Variants in ESRRG observed in about 807,000 individuals in gnomAD.
The protein encoded by ESRRG is estrogen-related receptor gamma.
ESRRG carries 13 observed loss-of-function variants against 44.0 expected under a neutral mutation model. That is an observed-to-expected ratio of 0.30 (90% CI 0.19 to 0.47). The LOEUF (loss-of-function observed/expected upper bound fraction) is 0.47. ESRRG is among the 20% of genes least tolerant of loss of function. The probability of loss-of-function intolerance (pLI) is 1.00; values close to 1 mark genes in which losing one functional copy is unlikely to be tolerated. For synonymous variants in ESRRG, 215 were observed against 214.6 expected, an observed-to-expected ratio of 1.00 and a Z score of -0.02; for missense variants, 395 against 580.6, an observed-to-expected ratio of 0.68 and a Z score of 3.29.
chr1:217,136,663 AAC>A (rs1349399191), intron 1 of ESRRG, among the ~76,000 whole-genome samples: 1 of 152,096 alleles, frequency 6.6e-6, no homozygotes, highest in Non-Finnish European at 1.5e-5. Context: ...TCCTGAACAC[AAC>A]TTACTGCCCG....
At chr1:216,561,399 A>T (rs1375451600) in intron 5 of ESRRG, among the ~76,000 whole-genome samples, 1 of 152,186 alleles carries the variant, frequency 6.6e-6, no homozygotes, top group Non-Finnish European at 1.5e-5. Context: ...TACAAAAACA[A>T]AGAGTTTTAA....
intron 1 of ESRRG, among the ~76,000 whole-genome samples, chr1:217,075,596 C>CCA (rs996245535): frequency 1.4e-5 from 2 of 146,620 alleles, no homozygotes; most frequent in African/African-American, 4.9e-5. Flanking sequence ...CTTTCCCCCC[C>CCA]CCAACATTAA....
intron 1 of ESRRG, among the ~76,000 whole-genome samples, chr1:217,130,465 G>T (rs1471769284): frequency 2.0e-5 from 3 of 152,034 alleles, no homozygotes; most frequent in Non-Finnish European, 4.4e-5. Flanking sequence ...TGAACTCCTA[G>T]CTTCAAGCAA....
At chr1:216,842,881 A>G (rs2148889918) in intron 2 of ESRRG, among the ~76,000 whole-genome samples, 1 of 152,294 alleles carries the variant, frequency 6.6e-6, no homozygotes, top group East Asian at 1.9e-4. Flanking sequence ...AAATGTAGGG[A>G]TATTATTCTT....
intron 1 of ESRRG, among the ~76,000 whole-genome samples, chr1:217,064,266 GTATA>G (rs2089225420): frequency 6.6e-6 from 1 of 151,816 alleles, no homozygotes; most frequent in African/African-American, 2.4e-5. Flanking sequence ...ATATATGTAT[GTATA>G]TATGTATGTT....
chr1:217,128,361 T>C (rs1014412432), intron 1 of ESRRG, among the ~76,000 whole-genome samples: 1 of 152,208 alleles, frequency 6.6e-6, no homozygotes, highest in Non-Finnish European at 1.5e-5. Context: ...TTAAAAATGT[T>C]TTGCAATGAT....
Position 216,566,161 on chromosome 1 carries a change from T to C in ESRRG, c.701-1781A>G, listed in dbSNP as rs368743567. On this transcript the variant is annotated intron_variant, in intron 4 of 6. Transcript: ENST00000408911. ...TTAATGTTTCCCTAATTAGAATCAA[T>C]AGAACCCAATTTTCATTCTTGGTTC... is the stretch of plus-strand genomic sequence containing the variant. Among the ~76,000 whole-genome samples the C allele has an allele frequency of 2.4e-4, 37 of 152,256 alleles. No homozygotes were observed. The East Asian group carries it at 3.7e-3, about 15-fold the overall frequency.
chr1:216,673,767 T>C (rs1389877052), intron 2 of ESRRG, among the ~76,000 whole-genome samples: 1 of 152,226 alleles, frequency 6.6e-6, no homozygotes, highest in African/African-American at 2.4e-5. Context: ...TTACAAAACA[T>C]ACCGAAGACT....
chr1:216,586,694 A>G (rs1278736042), intron 3 of ESRRG, among the ~76,000 whole-genome samples: 3 of 149,750 alleles, frequency 2.0e-5, no homozygotes, highest in Admixed American at 6.8e-5. Context: ...CACCTGCCTC[A>G]GCTCCAGAGT....
intron 1 of ESRRG, among the ~76,000 whole-genome samples, chr1:216,691,147 C>T (rs944588481): frequency 1.3e-5 from 2 of 151,944 alleles, no homozygotes; most frequent in Non-Finnish European, 2.9e-5. Flanking sequence ...TTCTTGGTTT[C>T]CTTTGGTTTG....
chr1:216,736,324 C>T lies in ESRRG; in HGVS notation c.-13-58833G>A, dbSNP rs914169294. ...CAGCCTCTCCGAGTAGCTGGGACTACAGCCGTCCGCCACCACGCCCGGCTA... is the reference window on the plus strand; with the variant it reads ...CAGCCTCTCCGAGTAGCTGGGACTATAGCCGTCCGCCACCACGCCCGGCTA... On this transcript the variant is annotated intron_variant, in intron 2 of 7. Coordinates refer to the ESRRG transcript ENST00000359162. Among the ~76,000 whole-genome samples the T allele has an allele frequency of 7.2e-5, 11 of 151,766 alleles. No individual in the cohort carries two copies. The East Asian group carries it at 1.6e-3, about 22-fold the overall frequency.
chr1:217,011,704 C>T (rs772049184), intron 1 of ESRRG, among the ~76,000 whole-genome samples: 2 of 152,152 alleles, frequency 1.3e-5, no homozygotes, highest in Non-Finnish European at 2.9e-5. Context: ...GTGGGTACCT[C>T]ATATCTAGTT....
At chr1:216,803,372 C>T (rs1333005674) in intron 2 of ESRRG, among the ~76,000 whole-genome samples, 2 of 152,120 alleles carry the variant, frequency 1.3e-5, no homozygotes, top group African/African-American at 2.4e-5. Context: ...AACAAAGGCT[C>T]AGTAGTGTTC....
At chr1:217,074,544 CAG>C (rs2091034042) in intron 1 of ESRRG, among the ~76,000 whole-genome samples, 1 of 149,804 alleles carries the variant, frequency 6.7e-6, no homozygotes, top group African/African-American at 2.5e-5. Context: ...TTTTTAATAA[CAG>C]TGTTATATAG....
intron 3 of ESRRG, among the ~76,000 whole-genome samples, chr1:216,609,791 T>C (rs908172183): frequency 4.6e-5 from 7 of 152,262 alleles, no homozygotes; most frequent in African/African-American, 1.7e-4. Context: ...AGATGTTGTA[T>C]ATTCTGGCAC....
At chr1:216,796,622 G>A (rs1359545484) in intron 2 of ESRRG, among the ~76,000 whole-genome samples, 1 of 152,074 alleles carries the variant, frequency 6.6e-6, no homozygotes, top group Non-Finnish European at 1.5e-5. Context: ...GGCCTCTACT[G>A]TTTCTTCTAG....
chr1:216,637,819 AG>A, intron 3 of ESRRG, among the ~76,000 whole-genome samples: 1 of 151,774 alleles, frequency 6.6e-6, no homozygotes, highest in Non-Finnish European at 1.5e-5. Context: ...CTATATTGTC[AG>A]TGTAGTCAAT....
intron 2 of ESRRG, among the ~76,000 whole-genome samples, chr1:216,880,090 T>C (rs1278826089): frequency 6.6e-6 from 1 of 151,658 alleles, no homozygotes; most frequent in African/African-American, 2.4e-5. Context: ...GTTGGATCAT[T>C]TGAGGTCAAG....
chr1:216,528,893 G>A (rs1400042286), intron 5 of ESRRG, among the ~76,000 whole-genome samples: 1 of 152,056 alleles, frequency 6.6e-6, no homozygotes. Flanking sequence ...TCACTTGTCA[G>A]AAGTACTTGC....
Sources: gnomAD v4.1 joint callset for allele counts (sites outside exome capture counted in the v4.1 genomes callset) on GRCh38, gnomAD v4.1.1 for gene constraint, MANE v1.5 for transcripts, NCBI Gene and HGNC (gene_info 2026-07-23, HGNC 2026-07-21) for gene names.